The following GOSR2 variants were observed in gnomAD, a reference collection of about 807,000 sequenced individuals.
GOSR2 encodes the protein 27 kDa Golgi SNARE protein.
A neutral mutation model predicts 27.9 loss-of-function variants in GOSR2; 20 were observed. That is an observed-to-expected ratio of 0.72 (90% CI 0.50 to 1.04). The LOEUF (loss-of-function observed/expected upper bound fraction) is 1.04. Ranked by LOEUF, GOSR2 falls within the 50% of genes least tolerant of loss-of-function variation. The pLI is 0.00. For missense variants in GOSR2, 261 were observed against 270.5 expected (o/e 0.97, Z 0.25); for synonymous variants, 91 against 98.8 (o/e 0.92, Z 0.47).
downstream of GOSR2, among the ~76,000 whole-genome samples, chr17:46,943,303 A>C (rs1314901879): frequency 6.6e-6 from 1 of 152,146 alleles, no homozygotes; most frequent in Non-Finnish European, 1.5e-5. Context: ...CTCTCTGCTG[A>C]GTAAAGCACC....
chr17:46,965,104 G>T (rs1469739644), intron 6 of GOSR2: 2 of 152,178 alleles, frequency 1.3e-5, no homozygotes, highest in Non-Finnish European at 2.9e-5. Context: ...CACATTTTTA[G>T]AAGTGGAGTA....
At position 46,941,655 on chromosome 17, in the gene GOSR2, C is replaced by T. The variant is rs1428738870; in HGVS notation, c.*2895C>T. On this transcript the variant is annotated 3_prime_UTR_variant, in exon 6 of 6. Transcript: ENST00000640051. ...GTGGCGCAATCTTGGCTCACTGCATCCTCTGCCTCCTGGGTTCAGGTGATC... is the reference window on the plus strand; with the variant it reads ...GTGGCGCAATCTTGGCTCACTGCATTCTCTGCCTCCTGGGTTCAGGTGATC... 1.2e-5 allele frequency: 2 copies of T among 161,048 alleles called. No individual in the cohort carries two copies. The highest frequency in any genetic ancestry group is 4.8e-5 in the African/African-American group (2 of 41,586). The allele number at this position is 161,048 out of a possible 1,614,324, so 10.0% of individuals were successfully genotyped here.
downstream of GOSR2, among the ~76,000 whole-genome samples, chr17:46,968,528 C>T (rs28451958): frequency 0.43 from 65,635 of 151,782 alleles, 14,340 homozygotes; most frequent in South Asian, 0.51. Context: ...GGAAGAGCAC[C>T]ATGCCAAGCT....
downstream of GOSR2, among the ~76,000 whole-genome samples, chr17:46,946,486 G>C (rs1467276407): frequency 6.8e-6 from 1 of 146,680 alleles, no homozygotes; most frequent in East Asian, 2.0e-4. Context: ...AAAAGTAGGT[G>C]GCCTGGGATA....
In GOSR2 at chr17:46,938,671, A is replaced by T; in HGVS notation, c.550A>T (p.Lys184Ter). The T allele has an allele frequency of 6.2e-7, 1 of 1,613,920 alleles. No homozygotes were observed. Among genetic ancestry groups the T allele is most frequent in the Non-Finnish European group, 8.5e-7 (1 of 1,179,978 alleles). The change falls in exon 6 of 6, where the codon AAG becomes TAG. Residue 184 changes from lysine (K) to a stop codon, truncating the protein, a stop_gained. Coordinates refer to ENST00000640051, the MANE Select transcript of GOSR2 (RefSeq NM_004287.5). LOFTEE classifies it high-confidence loss of function. Reference sequence around the variant, plus strand: ...CAACACAGTGATGCGGCTCATCGAGAAGCGGGCTTTCCAGGACAAGTACTT... The same window carrying T: ...CAACACAGTGATGCGGCTCATCGAGTAGCGGGCTTTCCAGGACAAGTACTT... ...LSNTVMRLIE[K>*]RAFQDKYFMI... is the part of the protein sequence containing the mutation.
chr17:46,935,547 G>A (rs2146983777), intron 5 of GOSR2: 2 of 1,227,762 alleles, frequency 1.6e-6, no homozygotes, highest in Non-Finnish European at 2.0e-6. Context: ...CTTTAAGGTG[G>A]CTTTCCCTTA....
At chr17:46,930,586 G>A (rs1167350220) in intron 2 of GOSR2, 1 of 154,374 alleles carries the variant, frequency 6.5e-6, no homozygotes, top group Non-Finnish European at 1.4e-5. Flanking sequence ...AAGCTTTAAG[G>A]GAAGAAAGCC....
exon 7 of GOSR2, chr17:46,966,564 G>A: frequency 1.4e-6 from 1 of 695,904 alleles, no homozygotes; most frequent in South Asian, 1.5e-5. Flanking sequence ...GCCCAGAATG[G>A]ACCCGAACTC....
In GOSR2 at chr17:46,932,074, G is replaced by T; in HGVS notation, c.211G>T (p.Asp71Tyr). Residue 71 changes from aspartate (D) to tyrosine (Y), a missense_variant, in exon 4 of 6, where the codon GAC becomes TAC. Asp to Tyr is a radical substitution (Grantham distance 160, BLOSUM62 -3). Coordinates refer to ENST00000640051, the MANE Select transcript of GOSR2 (RefSeq NM_004287.5). Reference protein sequence around the residue: ...NKRQNARLRVDQLKYDVQHLQ... With the variant: ...NKRQNARLRVYQLKYDVQHLQ... ...TCTCTCCATCAATTCCAGTCGGGTT[G>T]ACCAGTTAAAGTATGATGTCCAGCA... 6.2e-7 allele frequency: 1 copy of T among 1,613,760 alleles called. No individual in the cohort carries two copies. The highest frequency in any genetic ancestry group is 1.1e-5 in the South Asian group (1 of 91,054).
At chr17:46,960,932 T>G (rs1173449876) in intron 6 of GOSR2, among the ~76,000 whole-genome samples, 1 of 152,160 alleles carries the variant, frequency 6.6e-6, no homozygotes, top group African/African-American at 2.4e-5. Flanking sequence ...CTCTAAGTAT[T>G]TGTCAAAATA....
In GOSR2 at chr17:46,940,190, T is replaced by G; in HGVS notation, c.*1430T>G. The G allele has an allele frequency of 1.5e-6, 2 of 1,378,492 alleles. No individual in the cohort carries two copies. Among genetic ancestry groups the G allele is most frequent in the Non-Finnish European group, 1.9e-6 (2 of 1,065,964 alleles). 85.4% of individuals were successfully genotyped at this position (1,378,492 alleles called of 1,614,324 possible). ...AGGCACCTCTGTGGCATAGCTCCCC[T>G]TTGGTAAGTTTTCTTAATTGTCATA... On this transcript the variant is annotated 3_prime_UTR_variant, in exon 6 of 6. Transcript: ENST00000640051.
At chr17:46,971,534 C>T (rs2091392885), downstream of GOSR2, among the ~76,000 whole-genome samples, 1 of 152,148 alleles carries the variant, frequency 6.6e-6, no homozygotes, top group Non-Finnish European at 1.5e-5. Flanking sequence ...GAACCCCACA[C>T]AGATCCTGGC....
intron 6 of GOSR2, among the ~76,000 whole-genome samples, chr17:46,962,234 CAGG>C (rs1204071517): frequency 2.0e-5 from 3 of 151,288 alleles, no homozygotes; most frequent in Non-Finnish European, 4.4e-5. Context: ...GAGGCTGAGG[CAGG>C]AGAATAATTT....
chr17:46,964,477 G>A (rs560305729), intron 6 of GOSR2: 4 of 152,530 alleles, frequency 2.6e-5, no homozygotes, highest in Admixed American at 2.6e-4. Context: ...CAACAGCCAA[G>A]TGTTCAGCAC....
chr17:46,935,357 C>G, intron 5 of GOSR2, 188 bp downstream of exon 5: 1 of 1,454,782 alleles, frequency 6.9e-7, no homozygotes, highest in Non-Finnish European at 9.0e-7. Context: ...TACCCAGTTC[C>G]TTTGCCAGTG....
At chr17:46,969,684 C>T (rs149804423), downstream of GOSR2, among the ~76,000 whole-genome samples, 96 of 152,302 alleles carry the variant, frequency 6.3e-4, no homozygotes, top group Admixed American at 1.5e-3. Flanking sequence ...GCCTTAAACA[C>T]GGAAGAGTTC....
At chr17:46,924,909 G>A (rs2086259194) in intron 1 of GOSR2, among the ~76,000 whole-genome samples, 1 of 152,124 alleles carries the variant, frequency 6.6e-6, no homozygotes, top group Admixed American at 6.5e-5. Flanking sequence ...AGTTAATTTA[G>A]TTAAAGGATG....
At chr17:46,925,160 A>G (rs1010013516) in intron 1 of GOSR2, among the ~76,000 whole-genome samples, 1 of 152,198 alleles carries the variant, frequency 6.6e-6, no homozygotes, top group Non-Finnish European at 1.5e-5. Context: ...TAAATATTTT[A>G]GGCTCTGTGG....
At chr17:46,924,857 T>C (rs1261977434) in intron 1 of GOSR2, among the ~76,000 whole-genome samples, 2 of 152,234 alleles carry the variant, frequency 1.3e-5, no homozygotes, top group Non-Finnish European at 2.9e-5. Flanking sequence ...ACAATGGGCA[T>C]AGTAGTGCCT....
Sources: gnomAD v4.1 joint callset for allele counts (sites outside exome capture counted in the v4.1 genomes callset) on GRCh38, gnomAD v4.1.1 for gene constraint, MANE v1.5 for transcripts, NCBI Gene and HGNC (gene_info 2026-07-23, HGNC 2026-07-21) for gene names.